The following KIF4A variants were observed in gnomAD, a reference collection of about 807,000 sequenced individuals.
KIF4A encodes the protein chromosome-associated kinesin KIF4A.
A neutral mutation model predicts 105.9 loss-of-function variants in KIF4A; 7 were observed. That is an observed-to-expected ratio of 0.07 (90% CI 0.04 to 0.12). The LOEUF is 0.12. Among genes scored for constraint, KIF4A ranks in the 10% least tolerant of loss-of-function variants. The pLI, the probability that KIF4A is intolerant of heterozygous loss-of-function variation, is 1.00. For synonymous variants in KIF4A, 281 were observed against 331.3 expected (o/e 0.85, Z 1.65); for missense variants, 558 against 929.2 (o/e 0.60, Z 5.19).
At chrX:70,413,171 A>T (rs1251485710) in intron 28 of KIF4A, among the ~76,000 whole-genome samples, 1 of 112,537 alleles carries the variant, frequency 8.9e-6, no homozygotes, top group Admixed American at 9.4e-5. Flanking sequence ...TGCTGAGAAG[A>T]CATGAAACAA....
chrX:70,298,975 A>G (rs756918461), intron 4 of KIF4A, 138 bp from the exon 5 acceptor site: 55 of 436,103 alleles, frequency 1.3e-4, no homozygotes, highest in Non-Finnish European at 2.1e-4. Flanking sequence ...TAATTCTACA[A>G]GTAATACATG....
intron 7 of KIF4A, among the ~76,000 whole-genome samples, chrX:70,321,281 A>G (rs1056245814): frequency 8.9e-6 from 1 of 112,295 alleles, no homozygotes; most frequent in African/African-American, 3.2e-5. Context: ...CCAACACACA[A>G]TCAAACCATC....
At chrX:70,416,345 C>CTTTTTT (rs376059238) in intron 28 of KIF4A, among the ~76,000 whole-genome samples, 15 of 62,772 alleles carry the variant, frequency 2.4e-4, no homozygotes, top group African/African-American at 2.7e-4. Flanking sequence ...TCTGCACAGT[C>CTTTTTT]TTTTTTTTTT....
At chrX:70,330,376 G>C (rs1334619014) in intron 9 of KIF4A, 44 bp downstream of exon 9, 1 of 1,072,511 alleles carries the variant, frequency 9.3e-7, no homozygotes, top group Non-Finnish European at 1.3e-6. Flanking sequence ...ACAAGTATGT[G>C]AGTGGAATGA....
At chrX:70,295,825 G>A (rs765663263) in intron 3 of KIF4A, among the ~76,000 whole-genome samples, 27 of 107,486 alleles carry the variant, frequency 2.5e-4, no homozygotes, top group Non-Finnish European at 5.0e-4. Flanking sequence ...ACTGAGGCAG[G>A]AGAATCGCTT....
intron 16 of KIF4A, among the ~76,000 whole-genome samples, chrX:70,374,493 G>A (rs1457217099): frequency 2.7e-5 from 3 of 112,021 alleles, no homozygotes; most frequent in Non-Finnish European, 5.6e-5. Flanking sequence ...TTCTTAGGCA[G>A]TAATTGTGTT....
At chrX:70,376,342 T>TA in intron 18 of KIF4A, 132 bp downstream of exon 18, 2 of 441,580 alleles carry the variant, frequency 4.5e-6, no homozygotes, top group Non-Finnish European at 8.0e-6. Flanking sequence ...ACAACTTTAT[T>TA]AAATGTCTAC....
chrX:70,407,359 A>G (rs2086304458), intron 28 of KIF4A, among the ~76,000 whole-genome samples: 1 of 111,753 alleles, frequency 8.9e-6, no homozygotes, highest in Non-Finnish European at 1.9e-5. Context: ...TGCCTGCCTC[A>G]GTCTCCCAAA....
intron 7 of KIF4A, among the ~76,000 whole-genome samples, chrX:70,316,766 T>A (rs1233502072): frequency 8.9e-6 from 1 of 111,984 alleles, no homozygotes; most frequent in African/African-American, 3.2e-5. Context: ...CTGTCCAGAC[T>A]TTTAGTCCTA....
chrX:70,354,662 G>A (rs750994478), intron 15 of KIF4A, among the ~76,000 whole-genome samples: 1 of 112,411 alleles, frequency 8.9e-6, no homozygotes, highest in Non-Finnish European at 1.9e-5. Context: ...CTGGGAAGTA[G>A]CCTTTTGAAG....
At position 70,341,216 on chromosome X, in the gene KIF4A, T is replaced by C. The variant is rs181177397; in HGVS notation, c.1134-583T>C. Reference sequence around the variant, plus strand: ...GCATTTAGAAGGGAGCACTTATTTATAAAGAATTGTGAAATGTTTTCTGAG... The same window carrying C: ...GCATTTAGAAGGGAGCACTTATTTACAAAGAATTGTGAAATGTTTTCTGAG... On this transcript the variant is annotated intron_variant, in intron 10 of 30. Transcript: ENST00000374403. Among the ~76,000 whole-genome samples the C allele has an allele frequency of 4.5e-5, 5 of 112,008 alleles. No homozygotes were observed. In the East Asian group the frequency reaches 1.4e-3, roughly 31 times the overall value.
chrX:70,365,601 T>C (rs2086098746), intron 15 of KIF4A, among the ~76,000 whole-genome samples: 1 of 111,687 alleles, frequency 9.0e-6, no homozygotes, highest in African/African-American at 3.3e-5. Context: ...GCCCACTTGA[T>C]CATGGCGGAT....
Position 70,301,484 on chromosome X carries a change from G to A in KIF4A, c.517-416G>A, listed in dbSNP as rs995357588. On this transcript the variant is annotated intron_variant, in intron 5 of 30. Coordinates refer to ENST00000374403, the MANE Select transcript of KIF4A (RefSeq NM_012310.5). ...CCATGCTATTTCCTCTAGTGAAAAT[G>A]AGGTTAAAAATGAATCAGAGGTACA... Among the ~76,000 whole-genome samples the A allele has an allele frequency of 3.7e-4, 41 of 111,225 alleles. No homozygotes were observed. In the Admixed American group the frequency reaches 3.7e-3, roughly 10 times the overall value.
intron 17 of KIF4A, 58 bp from the exon 18 acceptor site, chrX:70,376,042 C>T: frequency 2.4e-6 from 2 of 818,846 alleles, no homozygotes; most frequent in Non-Finnish European, 3.6e-6. Context: ...TATCCATCCG[C>T]ACCAGCCTAG....
In KIF4A at chrX:70,322,164, C is replaced by G. The variant is rs186974428; in HGVS notation, c.779-7241C>G. On this transcript the variant is annotated intron_variant, in intron 7 of 30. Transcript: ENST00000374403. ...TGCTGCCAATCCTAAACCTCTATCT[C>G]GAGCCCCTATCTCATAAGTCATATT... Among the ~76,000 whole-genome samples the G allele has an allele frequency of 3.9e-3, 428 of 109,746 alleles. 2 individuals are homozygous for G. Among genetic ancestry groups the G allele is most frequent in the African/African-American group, 0.013 (402 of 30,111 alleles).
intron 28 of KIF4A, among the ~76,000 whole-genome samples, chrX:70,409,214 C>T (rs1054973623): frequency 9.0e-6 from 1 of 111,151 alleles, no homozygotes; most frequent in Non-Finnish European, 1.9e-5. Flanking sequence ...TAAGAAAATG[C>T]CATGAAAGAG....
At chrX:70,417,859 A>G in intron 28 of KIF4A, 29 bp from the exon 29 acceptor site, 1 of 1,119,579 alleles carries the variant, frequency 8.9e-7, no homozygotes, top group Non-Finnish European at 1.2e-6. Flanking sequence ...CCTTTCAGTA[A>G]TGTGTCTTTC....
intron 13 of KIF4A, among the ~76,000 whole-genome samples, chrX:70,348,724 A>G (rs755400219): frequency 4.4e-4 from 49 of 111,856 alleles, no homozygotes; most frequent in African/African-American, 1.6e-3. Flanking sequence ...TTAGTACAGA[A>G]CAAAATGGAG....
At chrX:70,415,449 A>C (rs767904209) in intron 28 of KIF4A, 4 of 193,716 alleles carry the variant, frequency 2.1e-5, no homozygotes, top group Non-Finnish European at 3.8e-5. Flanking sequence ...GTCTCTACAA[A>C]ACCAAAAAAT....
Sources: allele counts gnomAD v4.1 joint callset (sites outside exome capture counted in the v4.1 genomes callset), GRCh38; gene constraint gnomAD v4.1.1; transcripts MANE v1.5; gene names NCBI Gene and HGNC (gene_info 2026-07-23, HGNC 2026-07-21).